The following TMPRSS11B variants were observed in gnomAD, a reference collection of about 807,000 sequenced individuals.
TMPRSS11B encodes the protein transmembrane protease serine 11B.
TMPRSS11B carries 53 observed loss-of-function variants against 44.7 expected under a neutral mutation model. The ratio of observed to expected loss-of-function variants is 1.19; its 90% CI spans 0.95 to 1.49. TMPRSS11B has a LOEUF of 1.49. TMPRSS11B is among the 40% of genes most tolerant of loss of function. The pLI is 0.00. For synonymous variants in TMPRSS11B, 140 were observed against 159.2 expected, an observed-to-expected ratio of 0.88 and a Z score of 0.91; for missense variants, 526 against 494.8, an observed-to-expected ratio of 1.06 and a Z score of -0.60.
intron 4 of TMPRSS11B, among the ~76,000 whole-genome samples, 192 bp downstream of exon 4, chr4:68,235,810 C>G (rs946665858): frequency 1.3e-5 from 2 of 152,116 alleles, no homozygotes; most frequent in Non-Finnish European, 2.9e-5. Context: ...ATGATACTTT[C>G]ATTCATGGAG....
intron 7 of TMPRSS11B, among the ~76,000 whole-genome samples, chr4:68,230,133 A>G (rs1719469023): frequency 6.6e-6 from 1 of 152,168 alleles, no homozygotes; most frequent in South Asian, 2.1e-4. Flanking sequence ...TCCATGGTGT[A>G]TATGACCCAT....
rs192341309 is a variant in TMPRSS11B at position 68,239,873 on chromosome 4, C to T, written c.124+1816G>A. ...CTTCAAAAGAGCTCGACAGGTGATTCTGAGAAGAAGCTAGGGTTTGGAACT... is the reference window on the plus strand; with the variant it reads ...CTTCAAAAGAGCTCGACAGGTGATTTTGAGAAGAAGCTAGGGTTTGGAACT... On this transcript the variant is annotated intron_variant, in intron 2 of 9. Transcript: ENST00000332644. 3.1e-3 allele frequency among the ~76,000 whole-genome samples: 472 copies of T among 152,200 alleles called. 2 individuals carry two copies. Among genetic ancestry groups the T allele is most frequent in the Non-Finnish European group, 6.0e-3 (407 of 68,010 alleles).
chr4:68,237,558 A>G (rs1719706325), intron 2 of TMPRSS11B, among the ~76,000 whole-genome samples: 1 of 152,122 alleles, frequency 6.6e-6, no homozygotes, highest in Non-Finnish European at 1.5e-5. Flanking sequence ...TACACTCCCA[A>G]CAGTGTAAAA....
At chr4:68,242,152 C>A (rs1719841448) in intron 1 of TMPRSS11B, among the ~76,000 whole-genome samples, 1 of 129,476 alleles carries the variant, frequency 7.7e-6, no homozygotes, top group East Asian at 2.1e-4. Flanking sequence ...ATAGCCATAT[C>A]ATGCACAGGG....
At chr4:68,236,492 A>G (rs1169160003) in intron 2 of TMPRSS11B, among the ~76,000 whole-genome samples, 1 of 152,168 alleles carries the variant, frequency 6.6e-6, no homozygotes, top group African/African-American at 2.4e-5. Flanking sequence ...CCAGCTTTAG[A>G]AATAATCCAA....
rs1278153563 is a variant in TMPRSS11B at position 68,236,078 on chromosome 4, A to AG, written c.241-10dup. The AG allele has an allele frequency of 1.3e-6, 2 of 1,588,618 alleles. No individual in the cohort carries two copies. The highest frequency in any genetic ancestry group is 2.3e-5 in the South Asian group (2 of 85,272). Reference sequence around the variant, plus strand: ...TGAAATGCATTTAACATCTGACAAGAGAAAAAAAACAGTCATCATGTATGT... The same window carrying AG: ...TGAAATGCATTTAACATCTGACAAGAGGAAAAAAAACAGTCATCATGTATGT... On this transcript the variant is annotated splice_polypyrimidine_tract_variant and intron_variant, in intron 3 of 9. Transcript: ENST00000332644.
intron 1 of TMPRSS11B, among the ~76,000 whole-genome samples, chr4:68,242,340 A>ATTATATATAATAT (rs1560445672): frequency 7.0e-5 from 5 of 71,460 alleles, no homozygotes; most frequent in African/African-American, 3.6e-4. Context: ...TATATTATAT[A>ATTATATATAATAT]TATATTATAT....
intron 5 of TMPRSS11B, among the ~76,000 whole-genome samples, chr4:68,233,371 T>G (rs1719573287): frequency 6.6e-6 from 1 of 152,196 alleles, no homozygotes; most frequent in Non-Finnish European, 1.5e-5. Flanking sequence ...GGAAGAACCA[T>G]GAAACTGGAC....
At chr4:68,241,907 C>T in intron 1 of TMPRSS11B, 103 bp from the exon 2 acceptor site, 2 of 687,242 alleles carry the variant, frequency 2.9e-6, no homozygotes, top group South Asian at 1.7e-5. Flanking sequence ...ATACATTAGT[C>T]CTTTATGCTA....
intron 5 of TMPRSS11B, among the ~76,000 whole-genome samples, chr4:68,233,520 G>A (rs988247480): frequency 6.6e-6 from 1 of 152,036 alleles, no homozygotes; most frequent in Non-Finnish European, 1.5e-5. Flanking sequence ...TCTGTGAGAA[G>A]CTTTTGGGAA....
At chr4:68,233,562 TCCC>T (rs1719579487) in intron 5 of TMPRSS11B, among the ~76,000 whole-genome samples, 1 of 152,122 alleles carries the variant, frequency 6.6e-6, no homozygotes, top group Admixed American at 6.5e-5. Flanking sequence ...TCTTTCTGTG[TCCC>T]ATAGAGTATA....
In TMPRSS11B at chr4:68,227,716, C is replaced by T. The variant is rs1260693443; in HGVS notation, c.*195G>A. On this transcript the variant is annotated 3_prime_UTR_variant, in exon 10 of 10. Coordinates refer to ENST00000332644, the MANE Select transcript of TMPRSS11B (RefSeq NM_182502.3). ...GCCACTACACCTGGCCTCTTCCTAT[C>T]TCTTACATTAATTTAAAAGATTAAT... The T allele has an allele frequency of 3.9e-6, 1 of 253,958 alleles. No individual in the cohort carries two copies. Among genetic ancestry groups the T allele is most frequent in the African/African-American group, 2.3e-5 (1 of 43,756 alleles). 15.7% of individuals were successfully genotyped at this position (253,958 alleles called of 1,614,324 possible). A position where few individuals can be genotyped will look rare whatever the true frequency, so the allele number is the denominator to read the frequency against.
In TMPRSS11B at chr4:68,232,256, A is replaced by G. The variant is rs566517464; in HGVS notation, c.508+122T>C. The G allele has an allele frequency of 1.2e-5, 10 of 811,848 alleles. No individual in the cohort carries two copies. In the East Asian group the frequency reaches 2.2e-4, roughly 18 times the overall value. The allele number at this position is 811,848 out of a possible 1,614,324, so 50.3% of individuals were successfully genotyped here. On this transcript the variant is annotated intron_variant, in intron 6 of 9. Coordinates refer to ENST00000332644, the MANE Select transcript of TMPRSS11B (RefSeq NM_182502.3). Reference sequence around the variant, plus strand: ...TTCTAAGTCAATATCTGGTATATCTAGTAATTCGGAAAGCGTGTTATGGGA... The same window carrying G: ...TTCTAAGTCAATATCTGGTATATCTGGTAATTCGGAAAGCGTGTTATGGGA...
chr4:68,241,549 G>T, intron 2 of TMPRSS11B, 140 bp downstream of exon 2: 1 of 593,012 alleles, frequency 1.7e-6, no homozygotes, highest in South Asian at 2.7e-5. Flanking sequence ...AAATTTCTGT[G>T]TCATAATAAA....
Position 68,231,202 on chromosome 4 carries a change from C to T in TMPRSS11B, c.686+1G>A. 6.3e-7 allele frequency: 1 copy of T among 1,599,836 alleles called. No individual in the cohort carries two copies. Among genetic ancestry groups the T allele is most frequent in the Middle Eastern group, 2.0e-4 (1 of 5,066 alleles). The stretch of plus-strand genomic sequence containing the variant: ...TCATTTAGTCAAATTTTCAAACTTA[C>T]TTAGCAAAGCAGTGAGCTGCAGATA... On this transcript the variant is annotated splice_donor_variant, in intron 7 of 9. Coordinates refer to ENST00000332644, the MANE Select transcript of TMPRSS11B (RefSeq NM_182502.3). LOFTEE classifies it high-confidence loss of function.
chr4:68,233,523 T>G (rs1719577694), intron 5 of TMPRSS11B, among the ~76,000 whole-genome samples: 1 of 152,064 alleles, frequency 6.6e-6, no homozygotes, highest in Non-Finnish European at 1.5e-5. Context: ...GTGAGAAGCT[T>G]TTGGGAAAGA....
intron 5 of TMPRSS11B, among the ~76,000 whole-genome samples, chr4:68,232,617 C>G (rs1211047191): frequency 6.6e-6 from 1 of 151,854 alleles, no homozygotes; most frequent in African/African-American, 2.4e-5. Flanking sequence ...ACTAGGTAGC[C>G]TAGAAAAAGA....
chr4:68,236,387 C>T, intron 2 of TMPRSS11B, 121 bp from the exon 3 acceptor site: 2 of 644,942 alleles, frequency 3.1e-6, no homozygotes, highest in Non-Finnish European at 2.7e-6. Context: ...ATACCTCTGC[C>T]TCAACCATTT....
chr4:68,230,760 C>T (rs1032174917), intron 7 of TMPRSS11B, among the ~76,000 whole-genome samples: 4 of 149,682 alleles, frequency 2.7e-5, no homozygotes, highest in Non-Finnish European at 5.9e-5. Flanking sequence ...GCTGAGATCG[C>T]ACCATTGCAC....
Sources: allele counts gnomAD v4.1 joint callset (sites outside exome capture counted in the v4.1 genomes callset), GRCh38; gene constraint gnomAD v4.1.1; transcripts MANE v1.5; gene names NCBI Gene and HGNC (gene_info 2026-07-23, HGNC 2026-07-21).